The following ATAD2B variants were observed in gnomAD, a reference collection of about 807,000 sequenced individuals.
ATAD2B encodes ATPase family AAA domain-containing protein 2B.
In ATAD2B, 40 loss-of-function variants were observed where a neutral mutation model predicts 167.6. The observed-to-expected ratio is 0.24, with a 90% CI of 0.19 to 0.31. ATAD2B has a LOEUF of 0.31. Ranked by LOEUF, ATAD2B falls within the 10% of genes least tolerant of loss-of-function variation. The pLI is 1.00. For synonymous variants in ATAD2B, 579 were observed against 596.5 expected, an observed-to-expected ratio of 0.97 and a Z score of 0.43; for missense variants, 1,242 against 1,757.2, an observed-to-expected ratio of 0.71 and a Z score of 5.24.
chr2:23,876,180 G>C (rs1171882329), intron 7 of ATAD2B, among the ~76,000 whole-genome samples: 1 of 151,898 alleles, frequency 6.6e-6, no homozygotes, highest in African/African-American at 2.4e-5. Flanking sequence ...TTTTAGTAGA[G>C]ACAGGGTTTC....
At chr2:23,787,132 T>C (rs1162420998) in intron 20 of ATAD2B, among the ~76,000 whole-genome samples, 1 of 151,280 alleles carries the variant, frequency 6.6e-6, no homozygotes, top group Non-Finnish European at 1.5e-5. Flanking sequence ...GTAAAATCCA[T>C]GGTACTCACT....
intron 19 of ATAD2B, among the ~76,000 whole-genome samples, chr2:23,794,352 T>A (rs1228392529): frequency 6.6e-6 from 1 of 152,220 alleles, no homozygotes; most frequent in Non-Finnish European, 1.5e-5. Context: ...GTGTCTGGCT[T>A]AATGGAAGAC....
At chr2:23,800,232 G>A (rs187748021) in intron 18 of ATAD2B, among the ~76,000 whole-genome samples, 260 of 152,202 alleles carry the variant, frequency 1.7e-3, no homozygotes, top group Non-Finnish European at 3.2e-3. Context: ...TCATATGAAA[G>A]ACTAACCAGC....
intron 18 of ATAD2B, among the ~76,000 whole-genome samples, chr2:23,800,633 T>G (rs1359725396): frequency 1.3e-5 from 2 of 152,170 alleles, no homozygotes; most frequent in African/African-American, 2.4e-5. Flanking sequence ...GAACTCAAAT[T>G]GAACATGATG....
At chr2:23,691,939 A>G in the ATAD2B span, 3 of 1,486,034 alleles carry the variant, frequency 2.0e-6, no homozygotes, top group South Asian at 1.2e-5. Flanking sequence ...AGAACTCCAT[A>G]AACAGCAAGG....
the ATAD2B span, among the ~76,000 whole-genome samples, chr2:23,718,634 T>TA: frequency 3.9e-5 from 6 of 152,176 alleles, no homozygotes; most frequent in Non-Finnish European, 7.4e-5. Context: ...AGGATTGTTA[T>TA]AAAAAATCAC....
the ATAD2B span, chr2:23,696,348 G>A: frequency 6.4e-7 from 1 of 1,551,572 alleles, no homozygotes; most frequent in South Asian, 1.2e-5. The surrounding 1 kb of genome is among the most constrained non-coding windows in gnomAD (Gnocchi z 5.5). Flanking sequence ...ATGGAATCAG[G>A]GGTGACGCTG....
At chr2:23,739,080 C>T in the ATAD2B span, among the ~76,000 whole-genome samples, 1 of 152,206 alleles carries the variant, frequency 6.6e-6, no homozygotes, top group East Asian at 1.9e-4. Flanking sequence ...AAGAGACTTA[C>T]ACTCCCACCC....
At chr2:23,810,575 T>C in intron 17 of ATAD2B, 73 bp from the exon 18 acceptor site, 1 of 1,253,694 alleles carries the variant, frequency 8.0e-7, no homozygotes, top group Non-Finnish European at 1.1e-6. Flanking sequence ...TCAGGCAAAA[T>C]TTTTACATTA....
intron 14 of ATAD2B, chr2:23,832,187 T>C: frequency 2.1e-6 from 1 of 468,018 alleles, no homozygotes; most frequent in Non-Finnish European, 4.4e-6. Context: ...AACACCCCAC[T>C]GTCTTTAGTT....
chr2:23,891,020 A>ATT (rs34109939), intron 2 of ATAD2B, among the ~76,000 whole-genome samples: 42 of 136,980 alleles, frequency 3.1e-4, no homozygotes, highest in African/African-American at 9.5e-4. Context: ...ATATACTGAG[A>ATT]TTTTTTTTTT....
chr2:23,921,484 A>C (rs1434013824), intron 1 of ATAD2B, among the ~76,000 whole-genome samples: 2 of 152,150 alleles, frequency 1.3e-5, no homozygotes, highest in African/African-American at 2.4e-5. Flanking sequence ...GTTTACCTAT[A>C]ATTAGGTATT....
chr2:23,853,443 T>G lies in ATAD2B; in HGVS notation c.1568+3972A>C, dbSNP rs548955973. The stretch of plus-strand genomic sequence containing the variant: ...AGCAGTAAGCAATTAGAAAATAAAT[T>G]TTCTTTCAAAACTCCATTCACATTA... On this transcript the variant is annotated intron_variant, in intron 13 of 27. Coordinates refer to ENST00000238789, the MANE Select transcript of ATAD2B (RefSeq NM_017552.4). Among the ~76,000 whole-genome samples the G allele has an allele frequency of 2.6e-5, 4 of 152,274 alleles. No homozygotes were observed. In the South Asian group the frequency reaches 8.3e-4, roughly 32 times the overall value.
intron 6 of ATAD2B, among the ~76,000 whole-genome samples, chr2:23,883,327 A>G (rs1265412114): frequency 1.3e-5 from 2 of 151,364 alleles, no homozygotes; most frequent in Non-Finnish European, 2.9e-5. Context: ...TATTTTACTC[A>G]TGACATCAGA....
At chr2:23,877,555 G>GGGGAAGGGAGGGGAGGGGA (rs1697081996) in intron 7 of ATAD2B, among the ~76,000 whole-genome samples, 2 of 109,372 alleles carry the variant, frequency 1.8e-5, no homozygotes, top group African/African-American at 7.0e-5. Context: ...GGGGAGGGCA[G>GGGGAAGGGAGGGGAGGGGA]GGGAAGGGAG....
At chr2:23,755,328 G>C (rs1435537042) in intron 25 of ATAD2B, among the ~76,000 whole-genome samples, 2 of 152,162 alleles carry the variant, frequency 1.3e-5, no homozygotes, top group African/African-American at 2.4e-5. Flanking sequence ...CATTAAAAGT[G>C]TAATAGGGCT....
chr2:23,844,379 G>C (rs1399091186), intron 13 of ATAD2B, among the ~76,000 whole-genome samples: 1 of 149,038 alleles, frequency 6.7e-6, no homozygotes. Context: ...CACTCAACAA[G>C]GTAAAAGTTA....
chr2:23,705,503 AG>A, the ATAD2B span, among the ~76,000 whole-genome samples: 1 of 152,070 alleles, frequency 6.6e-6, no homozygotes, highest in Non-Finnish European at 1.5e-5. Flanking sequence ...AAAAAAAAAA[AG>A]AATGGGAAAG....
the ATAD2B span, chr2:23,684,308 C>T: frequency 1.0e-6 from 1 of 988,422 alleles, no homozygotes; most frequent in Admixed American, 3.7e-5. The surrounding 1 kb of genome is among the most constrained non-coding windows in gnomAD (Gnocchi z 4.4). Context: ...TATTTCTCTA[C>T]TTCTTGAAAA....
Sources: allele counts gnomAD v4.1 joint callset (sites outside exome capture counted in the v4.1 genomes callset), GRCh38; gene constraint gnomAD v4.1.1; non-coding constraint Gnocchi (gnomAD v3.1); transcripts MANE v1.5; gene names NCBI Gene and HGNC (gene_info 2026-07-23, HGNC 2026-07-21).